The following LRRC4C variants were observed in gnomAD, a reference collection of about 807,000 sequenced individuals.
LRRC4C encodes the protein leucine rich repeat containing 4C, also known as leucine-rich repeat-containing protein 4C.
Under a neutral mutation model 33.6 loss-of-function variants are expected in LRRC4C, and 5 were observed. That is an observed-to-expected ratio of 0.15 (90% CI 0.08 to 0.31). The LOEUF (loss-of-function observed/expected upper bound fraction) is 0.31, where lower values mean the gene tolerates loss of function less well. Among genes scored for constraint, LRRC4C ranks in the 10% least tolerant of loss-of-function variants. LRRC4C has a pLI of 1.00. For missense variants in LRRC4C, 560 were observed against 796.7 expected (o/e 0.70, Z 3.58); for synonymous variants, 329 against 302.0 (o/e 1.09, Z -0.93).
chr11:41,305,836 C>T (rs1337142266), intron 1 of LRRC4C, among the ~76,000 whole-genome samples: 2 of 132,710 alleles, frequency 1.5e-5, no homozygotes, highest in Admixed American at 1.5e-4. Context: ...GCTGACCTTC[C>T]CTCCACTATT....
intron 3 of LRRC4C, among the ~76,000 whole-genome samples, chr11:40,373,068 TA>T (rs1396104524): frequency 6.6e-6 from 1 of 152,200 alleles, no homozygotes; most frequent in Admixed American, 6.6e-5. Flanking sequence ...ACATTTTTAA[TA>T]AAAGAAAATA....
intron 3 of LRRC4C, among the ~76,000 whole-genome samples, chr11:40,611,070 C>T (rs1012709498): frequency 2.6e-5 from 4 of 151,734 alleles, no homozygotes; most frequent in Non-Finnish European, 4.4e-5. Flanking sequence ...ATAGCCAAAA[C>T]AATCTTGAAA....
At chr11:41,355,910 T>A (rs963454082) in intron 1 of LRRC4C, among the ~76,000 whole-genome samples, 4 of 152,128 alleles carry the variant, frequency 2.6e-5, no homozygotes, top group African/African-American at 9.7e-5. Context: ...AATTTGAAGA[T>A]GAACACTACC....
At chr11:40,460,257 T>G (rs1199454254) in intron 3 of LRRC4C, among the ~76,000 whole-genome samples, 1 of 152,188 alleles carries the variant, frequency 6.6e-6, no homozygotes, top group East Asian at 1.9e-4. Flanking sequence ...AATACATGGT[T>G]TCTGTACTAC....
chr11:40,913,051 T>C (rs576482938), intron 2 of LRRC4C, among the ~76,000 whole-genome samples: 1 of 152,070 alleles, frequency 6.6e-6, no homozygotes, highest in Non-Finnish European at 1.5e-5. Flanking sequence ...ATAAAGCAAG[T>C]CCTTAGAGAC....
At chr11:41,239,098 G>A (rs112274900) in intron 1 of LRRC4C, among the ~76,000 whole-genome samples, 2 of 148,792 alleles carry the variant, frequency 1.3e-5, no homozygotes, top group African/African-American at 2.5e-5. Flanking sequence ...GGCGGATCAC[G>A]AGGTCAGGAG....
intron 3 of LRRC4C, among the ~76,000 whole-genome samples, chr11:40,383,770 A>G (rs1660366002): frequency 6.6e-6 from 1 of 151,620 alleles, no homozygotes; most frequent in Admixed American, 6.6e-5. Flanking sequence ...CTGCAGCCTT[A>G]AATTCCTGGG....
chr11:40,209,843 C>T (rs948303135), intron 5 of LRRC4C, among the ~76,000 whole-genome samples: 12 of 152,004 alleles, frequency 7.9e-5, no homozygotes, highest in African/African-American at 2.7e-4. Context: ...TACTAGGATG[C>T]CTGATAAAAG....
intron 1 of LRRC4C, among the ~76,000 whole-genome samples, chr11:41,187,431 G>A (rs559781901): frequency 1.3e-5 from 2 of 152,246 alleles, no homozygotes; most frequent in African/African-American, 2.4e-5. Context: ...GTAGAAAGAC[G>A]TGGAGTTTGG....
At chr11:41,200,442 T>C (rs1313057838) in intron 1 of LRRC4C, among the ~76,000 whole-genome samples, 3 of 152,196 alleles carry the variant, frequency 2.0e-5, no homozygotes, top group Non-Finnish European at 4.4e-5. Context: ...CATTTTTTTC[T>C]TATTATTTTG....
At chr11:41,281,174 G>A (rs1172278473) in intron 1 of LRRC4C, among the ~76,000 whole-genome samples, 1 of 144,236 alleles carries the variant, frequency 6.9e-6, no homozygotes, top group Non-Finnish European at 1.5e-5. Context: ...AGCACCCCCA[G>A]TAGTGCTAAA....
chr11:41,009,848 G>C (rs779707779), intron 1 of LRRC4C, among the ~76,000 whole-genome samples: 2 of 151,994 alleles, frequency 1.3e-5, no homozygotes, highest in Non-Finnish European at 2.9e-5. Flanking sequence ...CTAATCCCCA[G>C]GACTTCAAAA....
intron 1 of LRRC4C, among the ~76,000 whole-genome samples, chr11:41,299,388 C>G (rs1591194391): frequency 6.6e-6 from 1 of 152,102 alleles, no homozygotes. Context: ...TAAATTTACT[C>G]ACTTCAACAA....
intron 1 of LRRC4C, among the ~76,000 whole-genome samples, chr11:40,984,700 G>T (rs1057104511): frequency 1.3e-5 from 2 of 152,074 alleles, no homozygotes; most frequent in Non-Finnish European, 2.9e-5. Context: ...TAGATGAAGA[G>T]CTATGTCTGT....
chr11:41,432,523 T>A (rs1377622358), intron 1 of LRRC4C, among the ~76,000 whole-genome samples: 1 of 151,746 alleles, frequency 6.6e-6, no homozygotes, highest in African/African-American at 2.4e-5. Context: ...AATAAAAGAA[T>A]ATTGTAGGTA....
At chr11:40,638,491 T>A (rs1325046169) in intron 3 of LRRC4C, among the ~76,000 whole-genome samples, 1 of 152,186 alleles carries the variant, frequency 6.6e-6, no homozygotes, top group Admixed American at 6.5e-5. Flanking sequence ...AAAATAGAAA[T>A]AATTGTAAGG....
At chr11:40,127,200 C>T (rs764586448) in intron 6 of LRRC4C, among the ~76,000 whole-genome samples, 3 of 151,862 alleles carry the variant, frequency 2.0e-5, no homozygotes, top group Non-Finnish European at 2.9e-5. Context: ...TCGCTTGAAC[C>T]GGGAGGCGGA....
At chr11:40,754,706 A>G (rs1005572326) in intron 2 of LRRC4C, among the ~76,000 whole-genome samples, 13 of 152,076 alleles carry the variant, frequency 8.5e-5, no homozygotes, top group Middle Eastern at 3.2e-3. Flanking sequence ...GTATCTTAAG[A>G]GTCATTTTTA....
chr11:40,386,800 G>A (rs1949128796), intron 3 of LRRC4C, among the ~76,000 whole-genome samples: 1 of 152,056 alleles, frequency 6.6e-6, no homozygotes. Context: ...GTAGCAAAGT[G>A]TCTCTTACCA....
Sources: gnomAD v4.1 joint callset for allele counts (sites outside exome capture counted in the v4.1 genomes callset) on GRCh38, gnomAD v4.1.1 for gene constraint, MANE v1.5 for transcripts, NCBI Gene and HGNC (gene_info 2026-07-23, HGNC 2026-07-21) for gene names.